Variants in PSD3 observed in about 807,000 individuals in gnomAD.
PSD3 encodes pleckstrin and Sec7 domain containing 3, also known as PH and SEC7 domain-containing protein 3.
PSD3 carries 49 observed loss-of-function variants against 105.5 expected under a neutral mutation model. The ratio of observed to expected loss-of-function variants is 0.46; its 90% CI spans 0.37 to 0.59. PSD3 has a LOEUF of 0.59. Among genes scored for constraint, PSD3 ranks in the 20% least tolerant of loss-of-function variants. PSD3 has a pLI of 0.00. For synonymous variants in PSD3, 557 were observed against 457.8 expected (o/e 1.22, Z -2.77); for missense variants, 1,561 against 1,263.8 (o/e 1.24, Z -3.57).
At chr8:19,036,244 C>G (rs1224942195) in intron 1 of PSD3, among the ~76,000 whole-genome samples, 2 of 151,994 alleles carry the variant, frequency 1.3e-5, no homozygotes, top group East Asian at 1.9e-4. Flanking sequence ...TTAGATCTCC[C>G]CAAATCTTGT....
chr8:18,679,354 C>A (rs1435459116), intron 9 of PSD3, among the ~76,000 whole-genome samples: 1 of 152,152 alleles, frequency 6.6e-6, no homozygotes, highest in Non-Finnish European at 1.5e-5. Flanking sequence ...GGTGATGGTG[C>A]CTTTCAACAT....
upstream of PSD3, among the ~76,000 whole-genome samples, chr8:19,018,635 C>T (rs1451139128): frequency 6.6e-6 from 1 of 152,174 alleles, no homozygotes; most frequent in African/African-American, 2.4e-5. Flanking sequence ...AAGCTGAGAA[C>T]ATCTTGCAAA....
chr8:18,760,242 C>G (rs911246880), intron 9 of PSD3, among the ~76,000 whole-genome samples: 2 of 152,172 alleles, frequency 1.3e-5, no homozygotes, highest in Middle Eastern at 3.2e-3. Context: ...CTATTTCTCA[C>G]CTCACATACT....
chr8:19,020,505 G>A (rs937840846), intron 1 of PSD3, among the ~76,000 whole-genome samples: 9 of 152,088 alleles, frequency 5.9e-5, no homozygotes, highest in African/African-American at 1.9e-4. Flanking sequence ...CAGAGATGTC[G>A]TAAGTGGGAC....
At chr8:18,755,732 T>G (rs1018838212) in intron 9 of PSD3, among the ~76,000 whole-genome samples, 1 of 151,550 alleles carries the variant, frequency 6.6e-6, no homozygotes, top group African/African-American at 2.4e-5. Flanking sequence ...TGTTAAAACA[T>G]TGTAACAGAC....
intron 4 of PSD3, among the ~76,000 whole-genome samples, chr8:18,805,961 AT>A (rs1811158551): frequency 1.3e-5 from 2 of 152,210 alleles, no homozygotes; most frequent in Admixed American, 6.5e-5. Flanking sequence ...GAAAAATGAC[AT>A]TCAATGAAAA....
intron 4 of PSD3, among the ~76,000 whole-genome samples, chr8:18,813,252 G>C (rs1269108386): frequency 5.3e-5 from 8 of 152,186 alleles, no homozygotes; most frequent in Admixed American, 5.2e-4. Flanking sequence ...ACAAGAGGAA[G>C]AAGAGGGAAT....
At position 18,765,460 on chromosome 8, in the gene PSD3, C is replaced by T. The variant is rs771292368; in HGVS notation, c.2161G>A (p.Asp721Asn). 1.9e-6 allele frequency: 3 copies of T among 1,608,624 alleles called. No individual in the cohort carries two copies. The highest frequency in any genetic ancestry group is 2.6e-6 in the Non-Finnish European group (3 of 1,174,982). Residue 721 changes from aspartate to asparagine, a missense_variant, in exon 9 of 16, where the codon GAT (aspartate) becomes AAT (asparagine). Physicochemically the swap from Asp to Asn is conservative, Grantham distance 23 (BLOSUM62 1). Coordinates refer to ENST00000327040, the MANE Select transcript of PSD3 (RefSeq NM_015310.4). ...AGTTCCATGCTTACTTTCAGCAGAT[C>T]CTTGGAGAAATCAACACCCTCATTT... Reference protein sequence around the residue: ...GVNEGVDFSKDLLKALYNSIK... With the variant: ...GVNEGVDFSKNLLKALYNSIK...
At chr8:18,633,688 AT>A (rs1209348680) in intron 10 of PSD3, among the ~76,000 whole-genome samples, 1 of 151,964 alleles carries the variant, frequency 6.6e-6, no homozygotes, top group Non-Finnish European at 1.5e-5. Flanking sequence ...TAATTCCATG[AT>A]TTTGCTACTG....
chr8:18,583,228 G>A (rs770602303), intron 12 of PSD3, among the ~76,000 whole-genome samples: 1 of 152,120 alleles, frequency 6.6e-6, no homozygotes, highest in Non-Finnish European at 1.5e-5. Context: ...CGCTTAAGTT[G>A]AGGAATTCAA....
chr8:18,624,249 C>T (rs1806324248), intron 11 of PSD3, among the ~76,000 whole-genome samples: 1 of 151,976 alleles, frequency 6.6e-6, no homozygotes, highest in Non-Finnish European at 1.5e-5. Context: ...GCCCATTGCT[C>T]CAAATCCTTA....
At chr8:18,985,736 T>C (rs367740017) in intron 1 of PSD3, among the ~76,000 whole-genome samples, 1 of 152,138 alleles carries the variant, frequency 6.6e-6, no homozygotes, top group African/African-American at 2.4e-5. Context: ...CACTTATCAG[T>C]AAAAAATCAT....
chr8:18,889,441 C>T (rs963783781), intron 2 of PSD3, among the ~76,000 whole-genome samples: 1 of 152,120 alleles, frequency 6.6e-6, no homozygotes, highest in Non-Finnish European at 1.5e-5. Flanking sequence ...AGGTAATATT[C>T]CCCCATCCTA....
chr8:18,841,539 G>A (rs1425862540), intron 4 of PSD3, among the ~76,000 whole-genome samples: 9 of 151,974 alleles, frequency 5.9e-5, no homozygotes, highest in Non-Finnish European at 1.5e-5. Flanking sequence ...AGCAGACGGG[G>A]CTCTCTAGGT....
intron 11 of PSD3, among the ~76,000 whole-genome samples, chr8:18,629,977 G>C (rs1459174009): frequency 6.6e-6 from 1 of 151,852 alleles, no homozygotes; most frequent in Non-Finnish European, 1.5e-5. Flanking sequence ...AGGAATTAAA[G>C]GCAGCTGAAA....
chr8:18,792,118 G>A (rs1809778663), intron 8 of PSD3, among the ~76,000 whole-genome samples: 2 of 152,158 alleles, frequency 1.3e-5, no homozygotes, highest in Non-Finnish European at 2.9e-5. Flanking sequence ...CTGTTGGTGG[G>A]AGTGTAAATT....
intron 9 of PSD3, among the ~76,000 whole-genome samples, chr8:18,671,037 T>C (rs138684141): frequency 6.6e-6 from 1 of 152,302 alleles, no homozygotes; most frequent in East Asian, 1.9e-4. Context: ...GCTTCGTAAG[T>C]TGTCTTAACC....
chr8:18,781,551 A>T (rs370406046), intron 8 of PSD3, among the ~76,000 whole-genome samples: 6 of 152,280 alleles, frequency 3.9e-5, no homozygotes, highest in African/African-American at 1.4e-4. Flanking sequence ...CATGGCCTGG[A>T]AGGTTTCTGC....
intron 1 of PSD3, among the ~76,000 whole-genome samples, chr8:19,079,273 G>A (rs769735165): frequency 2.0e-5 from 3 of 152,124 alleles, no homozygotes; most frequent in Admixed American, 6.5e-5. Context: ...CAAAACCAAC[G>A]TAGCGTAAAA....
Sources: allele counts gnomAD v4.1 joint callset (sites outside exome capture counted in the v4.1 genomes callset), GRCh38; gene constraint gnomAD v4.1.1; transcripts MANE v1.5; gene names NCBI Gene and HGNC (gene_info 2026-07-23, HGNC 2026-07-21).